Variants in ADAM32 observed in about 807,000 individuals in gnomAD.
ADAM32 encodes the protein ADAM metallopeptidase domain 32, also known as disintegrin and metalloproteinase domain-containing protein 32.
ADAM32 carries 89 observed loss-of-function variants against 114.9 expected under a neutral mutation model. The observed-to-expected ratio is 0.77, with a 90% CI of 0.65 to 0.92. The LOEUF is 0.92. Ranked by LOEUF, ADAM32 falls within the 40% of genes least tolerant of loss-of-function variation. ADAM32 has a pLI of 0.00. For missense variants in ADAM32, 870 were observed against 932.8 expected (o/e 0.93, Z 0.88); for synonymous variants, 285 against 307.5 (o/e 0.93, Z 0.77).
chr8:39,135,889 C>T (rs1268137839), intron 2 of ADAM32, among the ~76,000 whole-genome samples: 6 of 152,104 alleles, frequency 3.9e-5, no homozygotes, highest in South Asian at 2.1e-4. Context: ...ATAATGTTGA[C>T]GATCTGGTTT....
chr8:39,207,108 T>C (rs1807893741), intron 11 of ADAM32, among the ~76,000 whole-genome samples: 1 of 152,150 alleles, frequency 6.6e-6, no homozygotes, highest in Non-Finnish European at 1.5e-5. Flanking sequence ...TTTCTTGCAG[T>C]GAGGATTTGC....
chr8:39,224,282 A>C (rs919061387), intron 14 of ADAM32: 1 of 152,184 alleles, frequency 6.6e-6, no homozygotes, highest in African/African-American at 2.4e-5. Flanking sequence ...ATTTCCTTTG[A>C]ATCTATACTC....
intron 2 of ADAM32, among the ~76,000 whole-genome samples, chr8:39,127,587 T>TTA (rs1802191649): frequency 6.6e-6 from 1 of 152,140 alleles, no homozygotes; most frequent in Non-Finnish European, 1.5e-5. Flanking sequence ...TTAGTCAAGC[T>TTA]AGTAGTCTAT....
intron 17 of ADAM32, among the ~76,000 whole-genome samples, chr8:39,254,133 G>A (rs768154585): frequency 4.0e-5 from 6 of 151,254 alleles, no homozygotes; most frequent in Non-Finnish European, 5.9e-5. Flanking sequence ...ATTTAAGTAT[G>A]CATTTTTGAA....
chr8:39,166,950 TGTATAGA>T (rs1376557999), intron 9 of ADAM32: 4 of 152,246 alleles, frequency 2.6e-5, no homozygotes, highest in African/African-American at 9.6e-5. Context: ...CTTTGTCAGA[TGTATAGA>T]TTGTGAAGAT....
At chr8:39,172,657 CT>C (rs1805270808) in intron 10 of ADAM32, among the ~76,000 whole-genome samples, 2 of 152,086 alleles carry the variant, frequency 1.3e-5, no homozygotes, top group African/African-American at 4.8e-5. Context: ...AAAGTCTTTC[CT>C]TTTTTCGACT....
intron 11 of ADAM32, among the ~76,000 whole-genome samples, chr8:39,209,993 C>G (rs1246990844): frequency 2.0e-5 from 3 of 152,238 alleles, no homozygotes; most frequent in East Asian, 1.9e-4. Flanking sequence ...CTAACACCCA[C>G]AGTCACTATT....
In ADAM32 at chr8:39,179,078, C is replaced by T. The variant is rs193190250; in HGVS notation, c.916-7831C>T. Among the ~76,000 whole-genome samples the T allele has an allele frequency of 7.2e-5, 11 of 152,266 alleles. No individual in the cohort carries two copies. In the East Asian group the frequency reaches 1.9e-3, roughly 27 times the overall value. On this transcript the variant is annotated intron_variant, in intron 10 of 24. Coordinates refer to ENST00000379907, the MANE Select transcript of ADAM32 (RefSeq NM_145004.7). Reference sequence around the variant, plus strand: ...CAGATGTGCTGTGTTTGGGGGAGCCCTCCTCATCGAGACCACCCAGACTCT... The same window carrying T: ...CAGATGTGCTGTGTTTGGGGGAGCCTTCCTCATCGAGACCACCCAGACTCT...
intron 3 of ADAM32, among the ~76,000 whole-genome samples, chr8:39,138,188 TTA>T (rs1471013209): frequency 6.6e-6 from 1 of 152,220 alleles, no homozygotes; most frequent in African/African-American, 2.4e-5. Flanking sequence ...TCTTTTTTTA[TTA>T]TACTTTAAGT....
intron 15 of ADAM32, among the ~76,000 whole-genome samples, chr8:39,232,462 T>C (rs1390930829): frequency 6.6e-6 from 1 of 152,170 alleles, no homozygotes; most frequent in African/African-American, 2.4e-5. Context: ...GCTCAGTGTC[T>C]ATAAAATGCA....
chr8:39,184,324 A>G (rs1009194583), intron 10 of ADAM32, among the ~76,000 whole-genome samples: 2 of 152,188 alleles, frequency 1.3e-5, no homozygotes, highest in Non-Finnish European at 2.9e-5. Context: ...GGCCCTCCCT[A>G]TCATAACATG....
chr8:39,181,145 C>T (rs1018971517), intron 10 of ADAM32, among the ~76,000 whole-genome samples: 2 of 152,216 alleles, frequency 1.3e-5, no homozygotes, highest in Non-Finnish European at 2.9e-5. Flanking sequence ...TCCTTTTCCA[C>T]ACTGTGGAAG....
chr8:39,115,569 T>C (rs889898332), intron 1 of ADAM32, among the ~76,000 whole-genome samples: 1 of 152,088 alleles, frequency 6.6e-6, no homozygotes, highest in South Asian at 2.1e-4. Context: ...GTCCATGTCA[T>C]TGGCCCATTT....
chr8:39,276,566 A>T (rs1039777586), intron 22 of ADAM32, among the ~76,000 whole-genome samples: 1 of 152,208 alleles, frequency 6.6e-6, no homozygotes, highest in Non-Finnish European at 1.5e-5. Flanking sequence ...CTCCAAGCCC[A>T]CTGCTGTTCC....
intron 11 of ADAM32, among the ~76,000 whole-genome samples, chr8:39,199,956 A>C (rs1483608237): frequency 4.6e-5 from 7 of 152,020 alleles, no homozygotes; most frequent in Non-Finnish European, 7.4e-5. Context: ...TGAACTCATC[A>C]TTTTTTATGG....
chr8:39,129,810 T>C, intron 2 of ADAM32: 1 of 314,284 alleles, frequency 3.2e-6, no homozygotes, highest in African/African-American at 2.2e-5. Flanking sequence ...CCTTTCTTTT[T>C]GGGAAGATTT....
intron 10 of ADAM32, among the ~76,000 whole-genome samples, chr8:39,176,694 T>C (rs1805550551): frequency 6.6e-6 from 1 of 152,214 alleles, no homozygotes; most frequent in Non-Finnish European, 1.5e-5. Context: ...TGTAGATATC[T>C]ATCAGGTCCA....
chr8:39,249,989 G>C (rs1585643281), intron 17 of ADAM32, among the ~76,000 whole-genome samples: 1 of 151,786 alleles, frequency 6.6e-6, no homozygotes, highest in African/African-American at 2.4e-5. Context: ...TCTCCCTCTG[G>C]CTTCTTTCCA....
At chr8:39,174,439 T>C (rs192120569) in intron 10 of ADAM32, among the ~76,000 whole-genome samples, 3 of 150,058 alleles carry the variant, frequency 2.0e-5, no homozygotes, top group African/African-American at 7.4e-5. Context: ...TGGTTGTGGC[T>C]ATTTGAACTC....
Sources: gnomAD v4.1 joint callset for allele counts (sites outside exome capture counted in the v4.1 genomes callset) on GRCh38, gnomAD v4.1.1 for gene constraint, MANE v1.5 for transcripts, NCBI Gene and HGNC (gene_info 2026-07-23, HGNC 2026-07-21) for gene names.